Variants in HMHB1 observed in about 807,000 individuals in gnomAD.
HMHB1 encodes histocompatibility minor HB-1.
Under a neutral mutation model 2.4 loss-of-function variants are expected in HMHB1, and 4 were observed. That is an observed-to-expected ratio of 1.65 (90% CI 0.81 to 3.77). HMHB1 has a LOEUF of 3.77. Ranked by LOEUF, HMHB1 falls within the 30% of genes most tolerant of loss-of-function variation. The pLI is 0.01. For synonymous variants in HMHB1, 22 were observed against 17.6 expected (o/e 1.25, Z -0.63); for missense variants, 57 against 44.2 (o/e 1.29, Z -0.82).
intron 1 of HMHB1, among the ~76,000 whole-genome samples, 155 bp from the exon 2 acceptor site, chr5:143,820,325 A>AAAAAAAAAAAAAAAAAAAAAAAAAC (rs1759796176): frequency 1.2e-5 from 1 of 80,812 alleles, no homozygotes; most frequent in Non-Finnish European, 2.6e-5. Context: ...AAGTAAAAAA[A>AAAAAAAAAAAAAAAAAAAAAAAAAC]AAAAAAAAAA....
intron 1 of HMHB1, among the ~76,000 whole-genome samples, chr5:143,819,509 C>A (rs1473817746): frequency 6.6e-6 from 1 of 151,944 alleles, no homozygotes; most frequent in Non-Finnish European, 1.5e-5. Context: ...GTGGCAGGAG[C>A]CTGTAATCCC....
intron 1 of HMHB1, among the ~76,000 whole-genome samples, chr5:143,812,962 T>TTTGG (rs34322847): frequency 1.3e-5 from 2 of 151,530 alleles, no homozygotes; most frequent in Admixed American, 1.3e-4. Context: ...TTTTTGTTTG[T>TTTGG]TTGTTTGTTT....
chr5:143,818,809 G>C (rs1389056220), intron 1 of HMHB1, among the ~76,000 whole-genome samples: 1 of 151,450 alleles, frequency 6.6e-6, no homozygotes, highest in Non-Finnish European at 1.5e-5. Context: ...CCTACCCCTA[G>C]CTGGTCTCTC....
intron 1 of HMHB1, among the ~76,000 whole-genome samples, chr5:143,818,063 C>A (rs1759768906): frequency 6.6e-6 from 1 of 152,128 alleles, no homozygotes; most frequent in African/African-American, 2.4e-5. Flanking sequence ...CAGAAATTGA[C>A]AAGTTAATTC....
intron 1 of HMHB1, among the ~76,000 whole-genome samples, chr5:143,815,155 CT>C (rs1759733194): frequency 6.6e-6 from 1 of 152,212 alleles, no homozygotes; most frequent in African/African-American, 2.4e-5. Context: ...AATTACTGAA[CT>C]TTTCCCTAAT....
Position 143,812,238 on chromosome 5 carries a change from C to T in HMHB1, c.-30C>T. On this transcript the variant is annotated 5_prime_UTR_variant, in exon 1 of 2. Coordinates refer to ENST00000289448, the MANE Select transcript of HMHB1 (RefSeq NM_021182.3). ...GCCCTGAGCCTTCTGACCTCACATC[C>T]TCTGCCACACCACAGTGGAGAAACC... The T allele has an allele frequency of 6.4e-7, 1 of 1,551,326 alleles. No homozygotes were observed. Among genetic ancestry groups the T allele is most frequent in the Non-Finnish European group, 8.7e-7 (1 of 1,146,738 alleles).
chr5:143,819,527 C>T (rs531468722), intron 1 of HMHB1, among the ~76,000 whole-genome samples: 2 of 150,598 alleles, frequency 1.3e-5, no homozygotes, highest in African/African-American at 4.9e-5. Flanking sequence ...CCCAGCTACT[C>T]GGGAGGCTGA....
At chr5:143,814,259 T>C (rs1009991624) in intron 1 of HMHB1, among the ~76,000 whole-genome samples, 3 of 152,240 alleles carry the variant, frequency 2.0e-5, no homozygotes, top group East Asian at 1.9e-4. Context: ...TTGTTACTTA[T>C]ATTTTTTTCC....
At chr5:143,820,376 A>AAC in intron 1 of HMHB1, 104 bp from the exon 2 acceptor site, 1 of 503,372 alleles carries the variant, frequency 2.0e-6, no homozygotes, top group Non-Finnish European at 3.6e-6. Context: ...CTAAAAAGCT[A>AAC]ACACAAGTCC....
intron 1 of HMHB1, among the ~76,000 whole-genome samples, chr5:143,812,962 T>TTTGC (rs34322847): frequency 6.6e-6 from 1 of 151,530 alleles, no homozygotes; most frequent in South Asian, 2.1e-4. Context: ...TTTTTGTTTG[T>TTTGC]TTGTTTGTTT....
chr5:143,820,320 A>G (rs1201679653), intron 1 of HMHB1, among the ~76,000 whole-genome samples, 160 bp from the exon 2 acceptor site: 4 of 26,618 alleles, frequency 1.5e-4, no homozygotes, highest in African/African-American at 2.3e-4. Context: ...ATCATAAGTA[A>G]AAAAAAAAAA....
chr5:143,813,693 T>G (rs1466144596), intron 1 of HMHB1, among the ~76,000 whole-genome samples: 1 of 152,202 alleles, frequency 6.6e-6, no homozygotes, highest in African/African-American at 2.4e-5. Context: ...TGGATTTCCT[T>G]TGGAAGAATA....
chr5:143,815,577 G>T (rs1353130264), intron 1 of HMHB1, among the ~76,000 whole-genome samples: 2 of 151,080 alleles, frequency 1.3e-5, no homozygotes, highest in Non-Finnish European at 2.9e-5. Context: ...GCTGGATTTG[G>T]AGTGCAGTGG....
chr5:143,813,011 G>A (rs919934934), intron 1 of HMHB1, among the ~76,000 whole-genome samples: 1 of 152,012 alleles, frequency 6.6e-6, no homozygotes, highest in Non-Finnish European at 1.5e-5. Context: ...GACACACGGA[G>A]CCCTGGGTTG....
At position 143,814,423 on chromosome 5, in the gene HMHB1, A is replaced by G. The variant is rs1234054496; in HGVS notation, c.37+2119A>G. On this transcript the variant is annotated intron_variant, in intron 1 of 1. Coordinates refer to ENST00000289448, the MANE Select transcript of HMHB1 (RefSeq NM_021182.3). ...ATGTCTTTCTTTATTTGAGTTTTTG[A>G]GTTAAGGAATAAGGATGGAAACAGT... 2.0e-5 allele frequency among the ~76,000 whole-genome samples: 3 copies of G among 152,134 alleles called. No homozygotes were observed. The East Asian group carries it at 5.8e-4, about 29-fold the overall frequency.
intron 1 of HMHB1, among the ~76,000 whole-genome samples, chr5:143,812,990 C>T (rs972985056): frequency 1.3e-5 from 2 of 151,750 alleles, no homozygotes; most frequent in Admixed American, 6.6e-5. Context: ...TTGTTTTCTC[C>T]TCTTGAAGAG....
At chr5:143,817,604 A>G (rs1022108279) in intron 1 of HMHB1, among the ~76,000 whole-genome samples, 3 of 152,144 alleles carry the variant, frequency 2.0e-5, no homozygotes, top group East Asian at 3.8e-4. Context: ...TTTGGTGACT[A>G]TGTCTCATAG....
In HMHB1 at chr5:143,815,975, G is replaced by A. The variant is rs539754336; in HGVS notation, c.37+3671G>A. 7.2e-5 allele frequency among the ~76,000 whole-genome samples: 11 copies of A among 152,110 alleles called. No individual in the cohort carries two copies. The East Asian group carries it at 1.9e-3, about 27-fold the overall frequency. Reference sequence around the variant, plus strand: ...CCCGCCTCGGCCTCCCAAAGTGCTGGGATTACAGGCGTGAGCCGCTGTGCC... The same window carrying A: ...CCCGCCTCGGCCTCCCAAAGTGCTGAGATTACAGGCGTGAGCCGCTGTGCC... On this transcript the variant is annotated intron_variant, in intron 1 of 1. Coordinates refer to ENST00000289448, the MANE Select transcript of HMHB1 (RefSeq NM_021182.3).
chr5:143,816,436 T>G (rs1474441422), intron 1 of HMHB1, among the ~76,000 whole-genome samples: 1 of 152,214 alleles, frequency 6.6e-6, no homozygotes, highest in Non-Finnish European at 1.5e-5. Flanking sequence ...CTCTCACTTA[T>G]GAGTGAGAAT....
Sources: allele counts gnomAD v4.1 joint callset (sites outside exome capture counted in the v4.1 genomes callset), GRCh38; gene constraint gnomAD v4.1.1; transcripts MANE v1.5; gene names NCBI Gene and HGNC (gene_info 2026-07-23, HGNC 2026-07-21).